PCDHGA1: variants seen among roughly 807,000 people sequenced by gnomAD.
The protein encoded by PCDHGA1 is protocadherin gamma subfamily A, 1, also known as protocadherin gamma-A1.
PCDHGA1 carries 32 observed loss-of-function variants against 58.0 expected under a neutral mutation model. That is an observed-to-expected ratio of 0.55 (90% CI 0.42 to 0.74). The LOEUF (loss-of-function observed/expected upper bound fraction) is 0.74, where lower values mean the gene tolerates loss of function less well. Ranked by LOEUF, PCDHGA1 falls within the 30% of genes least tolerant of loss-of-function variation. PCDHGA1 has a pLI of 0.00. For synonymous variants in PCDHGA1, 498 were observed against 501.1 expected (o/e 0.99, Z 0.08); for missense variants, 1,205 against 1,182.3 (o/e 1.02, Z -0.28).
In PCDHGA1 at chr5:141,432,508, G is replaced by A. The variant is rs1306067848; in HGVS notation, c.2422-62299G>A. ...TGGAGCTGGCTCCCCGCTCCGCAGA[G>A]CCCGGCTACCTGGTGACCAAGGTGG... On this transcript the variant is annotated intron_variant, in intron 1 of 3. Coordinates refer to ENST00000517417, the MANE Select transcript of PCDHGA1 (RefSeq NM_018912.3). This position sits in a 1 kb window ranked among gnomAD's most constrained non-coding sequence, Gnocchi z 6.0. The A allele has an allele frequency of 1.9e-6, 3 of 1,614,136 alleles. No individual in the cohort carries two copies. Among genetic ancestry groups the A allele is most frequent in the Non-Finnish European group, 2.5e-6 (3 of 1,180,034 alleles).
chr5:141,340,126 A>C, intron 1 of PCDHGA1: 2 of 1,613,932 alleles, frequency 1.2e-6, no homozygotes, highest in Non-Finnish European at 1.7e-6. Context: ...CCACCTGTTC[A>C]CTCCCCGAGG....
chr5:141,392,810 A>C (rs772526220), intron 1 of PCDHGA1: 1 of 1,580,390 alleles, frequency 6.3e-7, no homozygotes, highest in South Asian at 1.2e-5. Flanking sequence ...GCAGCAAAAC[A>C]ACAATGGCCG....
intron 1 of PCDHGA1, chr5:141,410,343 G>A (rs890241182): frequency 6.2e-7 from 1 of 1,613,964 alleles, no homozygotes; most frequent in Non-Finnish European, 8.5e-7. Flanking sequence ...ATTGCCTTGC[G>A]CCTGCGACGC....
intron 1 of PCDHGA1, chr5:141,375,763 C>G: frequency 6.2e-7 from 1 of 1,614,242 alleles, no homozygotes; most frequent in South Asian, 1.1e-5. Context: ...ACAATGCGCC[C>G]GAGATCCTGT....
At chr5:141,383,255 T>C (rs772221697) in intron 1 of PCDHGA1, 32 of 1,613,816 alleles carry the variant, frequency 2.0e-5, no homozygotes, top group African/African-American at 2.7e-5. Flanking sequence ...CTTTACCCTA[T>C]AGACGTGGAA....
chr5:141,339,170 G>T (rs1399656890), intron 1 of PCDHGA1: 2 of 1,614,088 alleles, frequency 1.2e-6, no homozygotes, highest in Admixed American at 3.3e-5. Context: ...AGTCCGCATC[G>T]TCTCCAGAGG....
chr5:141,475,248 C>T (rs1400887912), intron 1 of PCDHGA1, among the ~76,000 whole-genome samples: 2 of 152,166 alleles, frequency 1.3e-5, no homozygotes, highest in African/African-American at 4.8e-5. Context: ...AGAGTGTGCT[C>T]TACAACTGAG....
At chr5:141,339,441 CG>C in intron 1 of PCDHGA1, 2 of 1,614,194 alleles carry the variant, frequency 1.2e-6, no homozygotes, top group Non-Finnish European at 1.7e-6. Flanking sequence ...CTTAAGAATG[CG>C]CATGATGCAG....
intron 1 of PCDHGA1, chr5:141,338,794 T>A: frequency 7.5e-7 from 1 of 1,334,808 alleles, no homozygotes. Context: ...CACAAGGGGG[T>A]GGAGGTTTGG....
At chr5:141,364,388 C>T in intron 1 of PCDHGA1, 2 of 1,600,174 alleles carry the variant, frequency 1.2e-6, no homozygotes, top group South Asian at 2.3e-5. Context: ...CTTCATGCTC[C>T]TGGGGACGCT....
intron 1 of PCDHGA1, chr5:141,355,435 C>G: frequency 6.2e-7 from 1 of 1,614,106 alleles, no homozygotes; most frequent in South Asian, 1.1e-5. Context: ...CGCCCTGAAC[C>G]CGCGCAGCGG....
At chr5:141,405,186 G>T (rs762537440) in intron 1 of PCDHGA1, 2 of 1,612,892 alleles carry the variant, frequency 1.2e-6, no homozygotes, top group Non-Finnish European at 1.7e-6. Context: ...GGTGTAGATG[G>T]GGTTCGAGCT....
intron 1 of PCDHGA1, chr5:141,366,786 AT>A (rs770117730): frequency 6.3e-7 from 1 of 1,575,572 alleles, no homozygotes; most frequent in Non-Finnish European, 8.6e-7. Flanking sequence ...TGACCAGAAC[AT>A]TTTCATTTGT....
intron 1 of PCDHGA1, among the ~76,000 whole-genome samples, chr5:141,453,823 G>A (rs2154564414): frequency 6.6e-6 from 1 of 152,250 alleles, no homozygotes; most frequent in South Asian, 2.1e-4. Flanking sequence ...GACAAACTTG[G>A]CTGCTAGCCC....
chr5:141,350,435 T>G, intron 1 of PCDHGA1: 1 of 1,609,644 alleles, frequency 6.2e-7, no homozygotes, highest in Admixed American at 1.7e-5. Context: ...TGTCCGGGAG[T>G]TGCCAACTCG....
At chr5:141,399,959 G>A (rs1257286209) in intron 1 of PCDHGA1, 4 of 1,612,230 alleles carry the variant, frequency 2.5e-6, no homozygotes, top group South Asian at 1.1e-5. Flanking sequence ...AGCGAGCCCG[G>A]GCTCTTCAGC....
intron 1 of PCDHGA1, chr5:141,424,500 G>A (rs2154550788): frequency 6.6e-6 from 1 of 152,208 alleles, no homozygotes; most frequent in African/African-American, 2.4e-5. Flanking sequence ...TGTATGTATG[G>A]AAGGTTTTTT....
chr5:141,339,627 A>T (rs768369398), intron 1 of PCDHGA1: 1 of 1,614,140 alleles, frequency 6.2e-7, no homozygotes, highest in Non-Finnish European at 8.5e-7. Context: ...GATGGGGGTG[A>T]CCCAGTGCTA....
chr5:141,407,847 T>C (rs1236964962), intron 1 of PCDHGA1, among the ~76,000 whole-genome samples: 2 of 152,224 alleles, frequency 1.3e-5, no homozygotes, highest in African/African-American at 4.8e-5. Context: ...TTGAGGGGGA[T>C]GTACACCTGC....
Sources: allele counts gnomAD v4.1 joint callset (sites outside exome capture counted in the v4.1 genomes callset), GRCh38; gene constraint gnomAD v4.1.1; non-coding constraint Gnocchi (gnomAD v3.1); transcripts MANE v1.5; gene names NCBI Gene and HGNC (gene_info 2026-07-23, HGNC 2026-07-21).